Variants in HIVEP2 observed in about 807,000 individuals in gnomAD.
The protein encoded by HIVEP2 is HIVEP zinc finger 2, also known as transcription factor HIVEP2.
Under a neutral mutation model 180.7 loss-of-function variants are expected in HIVEP2, and 14 were observed. The observed-to-expected ratio is 0.08, with a 90% confidence interval of 0.05 to 0.12. The LOEUF (loss-of-function observed/expected upper bound fraction) is 0.12. HIVEP2 is among the 10% of genes least tolerant of loss of function. The pLI is 1.00. For synonymous variants in HIVEP2, 1,184 were observed against 1,136.4 expected (o/e 1.04, Z -0.84); for missense variants, 2,579 against 3,008.5 (o/e 0.86, Z 3.34).
chr6:142,903,150 A>G (rs1299035272), intron 1 of HIVEP2, among the ~76,000 whole-genome samples: 2 of 152,222 alleles, frequency 1.3e-5, no homozygotes, highest in Non-Finnish European at 2.9e-5. Context: ...TAACTGAACC[A>G]CAAGCACTAT....
chr6:142,922,311 T>C (rs1325608456), intron 1 of HIVEP2, among the ~76,000 whole-genome samples: 1 of 152,250 alleles, frequency 6.6e-6, no homozygotes, highest in African/African-American at 2.4e-5. Context: ...TTTCACCCTC[T>C]GCTTCCCCCT....
At position 142,772,717 on chromosome 6, in the gene HIVEP2, G is replaced by T. The variant is rs1582844468; in HGVS notation, c.2022C>A (p.Phe674Leu). Reference protein sequence around the residue: ...LSSLKHGGEYFMDPVVPLQGV... With the variant: ...LSSLKHGGEYLMDPVVPLQGV... Reference sequence around the variant, plus strand: ...CCTGCAATGGCACCACGGGATCCATGAAATATTCTCCACCATGCTTTAAAG... The same window carrying T: ...CCTGCAATGGCACCACGGGATCCATTAAATATTCTCCACCATGCTTTAAAG... The change falls in exon 5 of 10, where the codon TTC (phenylalanine) becomes TTA (leucine). Residue 674 changes from phenylalanine (F) to leucine (L), a missense_variant. Physicochemically the swap from Phe to Leu is conservative, Grantham distance 22. Coordinates refer to ENST00000367603, the MANE Select transcript of HIVEP2 (RefSeq NM_006734.4). The surrounding 1 kb of genome is among the most constrained non-coding windows in gnomAD (Gnocchi z 4.9). 6.2e-7 allele frequency: 1 copy of T among 1,614,230 alleles called. No homozygotes were observed. Among genetic ancestry groups the T allele is most frequent in the Non-Finnish European group, 8.5e-7 (1 of 1,180,030 alleles).
At chr6:142,862,252 C>G (rs1209105080) in intron 1 of HIVEP2, among the ~76,000 whole-genome samples, 1 of 151,968 alleles carries the variant, frequency 6.6e-6, no homozygotes, top group Non-Finnish European at 1.5e-5. Context: ...ATAAGTGTCA[C>G]TCCTTCAGAC....
chr6:142,884,968 T>G (rs1776659690), intron 1 of HIVEP2, among the ~76,000 whole-genome samples: 1 of 151,986 alleles, frequency 6.6e-6, no homozygotes, highest in Non-Finnish European at 1.5e-5. Flanking sequence ...TCCAGATAGA[T>G]ACCCAAGCAT....
chr6:142,820,593 A>G (rs1777007361), intron 2 of HIVEP2, among the ~76,000 whole-genome samples: 1 of 152,218 alleles, frequency 6.6e-6, no homozygotes, highest in Non-Finnish European at 1.5e-5. Context: ...GCAACACTGC[A>G]TTTATTAGTC....
chr6:142,769,594 G>T lies in HIVEP2; in HGVS notation c.5145C>A (p.Thr1715=). Residue 1715 remains threonine (T), a synonymous_variant, in exon 5 of 10, where the codon ACC becomes ACA. Transcript: ENST00000367603. The part of the protein sequence containing the change: ...YTLAAMHRPG[T]GKLTSSSAWK... ...AAGCACTTGATGATGTAAGCTTGCCGGTTCCAGGCCTATGCATAGCAGCCA... is the reference window on the plus strand; with the variant it reads ...AAGCACTTGATGATGTAAGCTTGCCTGTTCCAGGCCTATGCATAGCAGCCA... 6.2e-7 allele frequency: 1 copy of T among 1,614,112 alleles called. No homozygotes were observed. Among genetic ancestry groups the T allele is most frequent in the Non-Finnish European group, 8.5e-7 (1 of 1,180,032 alleles).
chr6:142,845,202 TG>T (rs1775476298), intron 1 of HIVEP2, among the ~76,000 whole-genome samples: 1 of 152,194 alleles, frequency 6.6e-6, no homozygotes, highest in African/African-American at 2.4e-5. Context: ...GAGACAGATT[TG>T]GGGGAGGGGT....
Position 142,943,392 on chromosome 6 carries a change from G to A in HIVEP2, c.-641+1707C>T, listed in dbSNP as rs1005463103. ...TATCACCAAATATTACTATATCACT[G>A]GAGGAAACGTTTCTAATAAAGTTAA... On this transcript the variant is annotated intron_variant, in intron 1 of 9. Transcript: ENST00000367603. This position sits in a 1 kb window ranked among gnomAD's most constrained non-coding sequence, Gnocchi z 4.5. Among the ~76,000 whole-genome samples, 3 of 152,164 alleles carry A rather than the reference G, an allele frequency of 2.0e-5. No individual in the cohort carries two copies. Among genetic ancestry groups the A allele is most frequent in the Non-Finnish European group, 4.4e-5 (3 of 68,014 alleles).
chr6:142,785,467 A>C (rs918276843), intron 2 of HIVEP2, among the ~76,000 whole-genome samples: 3 of 152,148 alleles, frequency 2.0e-5, no homozygotes, highest in Non-Finnish European at 2.9e-5. Flanking sequence ...GTAGTCAGTG[A>C]CTACCTGTGA....
At chr6:142,893,881 A>G (rs1776919827) in intron 1 of HIVEP2, among the ~76,000 whole-genome samples, 1 of 152,164 alleles carries the variant, frequency 6.6e-6, no homozygotes. Context: ...TTTAAAATAT[A>G]TTATTCTAAG....
intron 1 of HIVEP2, among the ~76,000 whole-genome samples, chr6:142,930,604 C>T (rs982720613): frequency 3.3e-5 from 5 of 152,110 alleles, no homozygotes; most frequent in Non-Finnish European, 7.4e-5. Context: ...ATCATCACCT[C>T]GTACCTTTCG....
intron 2 of HIVEP2, among the ~76,000 whole-genome samples, chr6:142,793,656 C>CTTTCTTTCTTTCTTTCTTTCTTTT (rs1269273663): frequency 8.9e-4 from 69 of 77,324 alleles, no homozygotes; most frequent in East Asian, 4.9e-3. Context: ...TTCTTTCTTT[C>CTTTCTTTCTTTCTTTCTTTCTTTT]TTTTTTCTTT....
At chr6:142,902,258 T>C (rs1008316752) in intron 1 of HIVEP2, among the ~76,000 whole-genome samples, 1 of 152,194 alleles carries the variant, frequency 6.6e-6, no homozygotes, top group Admixed American at 6.5e-5. Flanking sequence ...ATAAGGCATG[T>C]TGATGTGACA....
chr6:142,764,197 A>C (rs1775324754), intron 7 of HIVEP2, among the ~76,000 whole-genome samples: 1 of 152,184 alleles, frequency 6.6e-6, no homozygotes, highest in Admixed American at 6.5e-5. Flanking sequence ...ACATAAATCT[A>C]CCTGTTAAAA....
At chr6:142,803,566 T>TAC (rs10688831) in intron 2 of HIVEP2, among the ~76,000 whole-genome samples, 12,971 of 141,600 alleles carry the variant, frequency 0.092, 1,868 homozygotes, top group African/African-American at 0.31. Context: ...ATATATAGCA[T>TAC]ACACACACAC....
chr6:142,898,686 A>T (rs1777059438), intron 1 of HIVEP2, among the ~76,000 whole-genome samples: 1 of 152,116 alleles, frequency 6.6e-6, no homozygotes, highest in Non-Finnish European at 1.5e-5. Context: ...ATTAAAATTA[A>T]AAAATGAAAT....
At chr6:142,794,977 A>AT (rs1156472680) in intron 2 of HIVEP2, among the ~76,000 whole-genome samples, 3 of 152,172 alleles carry the variant, frequency 2.0e-5, no homozygotes, top group Non-Finnish European at 4.4e-5. Context: ...TGATTAACCA[A>AT]TTATATGTGA....
In HIVEP2 at chr6:142,771,689, G is replaced by C. The variant is rs1334253551; in HGVS notation, c.3050C>G (p.Ser1017Cys). ...LTVPAGSYSL[S>C]VPGHHHQKEM... ...TTTCTGGTGGTGATGGCCTGGGACA[G>C]ACAATGAGTATGAACCAGCAGGGAC... The change falls in exon 5 of 10, where the codon TCT becomes TGT. Residue 1017 changes from serine to cysteine, a missense_variant. By Grantham distance (112) the Ser-to-Cys change is moderately radical. Coordinates refer to ENST00000367603, the MANE Select transcript of HIVEP2 (RefSeq NM_006734.4). This position sits in a 1 kb window ranked among gnomAD's most constrained non-coding sequence, Gnocchi z 5.4. 2.5e-6 allele frequency: 4 copies of C among 1,614,180 alleles called. No homozygotes were observed. The South Asian group carries it at 4.4e-5, about 18-fold the overall frequency.
intron 1 of HIVEP2, among the ~76,000 whole-genome samples, chr6:142,865,368 C>A (rs1344710341): frequency 6.6e-6 from 1 of 151,524 alleles, no homozygotes; most frequent in Non-Finnish European, 1.5e-5. Flanking sequence ...ATCCTAATTT[C>A]ATTAAAAATT....
Sources: allele counts gnomAD v4.1 joint callset (sites outside exome capture counted in the v4.1 genomes callset), GRCh38; gene constraint gnomAD v4.1.1; non-coding constraint Gnocchi (gnomAD v3.1); transcripts MANE v1.5; gene names NCBI Gene and HGNC (gene_info 2026-07-23, HGNC 2026-07-21).